PRRC2B: variants seen among roughly 807,000 people sequenced by gnomAD.
PRRC2B encodes the protein proline rich coiled-coil 2B.
Under a neutral mutation model 242.3 loss-of-function variants are expected in PRRC2B, and 68 were observed. The ratio of observed to expected loss-of-function variants is 0.28; its 90% CI spans 0.23 to 0.34. The LOEUF is 0.34. PRRC2B is among the 10% of genes least tolerant of loss of function. PRRC2B has a pLI of 1.00. For synonymous variants in PRRC2B, 1,228 were observed against 1,173.6 expected (o/e 1.05, Z -0.95); for missense variants, 2,835 against 2,954.8 (o/e 0.96, Z 0.94).
intron 11 of PRRC2B, among the ~76,000 whole-genome samples, chr9:131,459,970 C>CAAAAAAAAAAAAAAAAAAAAAAA: frequency 1.1e-5 from 1 of 87,098 alleles, no homozygotes; most frequent in Non-Finnish European, 2.2e-5. Flanking sequence ...ACCCTATCTC[C>CAAAAAAAAAAAAAAAAAAAAAAA]AAAAAAAAAA....
rs374251056 is a variant in PRRC2B at position 131,491,485 on chromosome 9, A to T, written c.6286A>T (p.Ile2096Phe). The change falls in exon 29 of 32, where the codon ATT (isoleucine) becomes TTT (phenylalanine). Residue 2096 changes from isoleucine to phenylalanine, a missense_variant. By Grantham distance (21) the Ile-to-Phe change is conservative. Transcript: ENST00000683519. The stretch of plus-strand genomic sequence containing the variant: ...GCAGCCACTGATCCTGCCCCAGTCT[A>T]TTCAGCTGCCACCTGGGCAGAGCCT... The part of the protein sequence containing the change: ...GQQPLILPQS[I>F]QLPPGQSLSV... 1 of 1,612,402 alleles carries T rather than the reference A, an allele frequency of 6.2e-7. No homozygotes were observed. The highest frequency in any genetic ancestry group is 8.5e-7 in the Non-Finnish European group (1 of 1,179,558).
Position 131,461,139 on chromosome 9 carries a change from T to C in PRRC2B, c.1404+1783T>C, listed in dbSNP as rs1036126720. Among the ~76,000 whole-genome samples, 6 of 152,226 alleles carry C rather than the reference T, an allele frequency of 3.9e-5. 1 individual carries two copies. Among genetic ancestry groups the C allele is most frequent in the African/African-American group, 1.4e-4 (6 of 41,460 alleles). On this transcript the variant is annotated intron_variant, in intron 11 of 31. Transcript: ENST00000683519. ...TCTATCTCTCATCGTCCCTCGTATT[T>C]ATACTCACTTGGTCAGTCTCCCCAT...
At chr9:131,423,086 T>C (rs1837885983) in intron 1 of PRRC2B, among the ~76,000 whole-genome samples, 1 of 152,224 alleles carries the variant, frequency 6.6e-6, no homozygotes. Context: ...TATGTCATAC[T>C]GAGGTTCCAA....
intron 1 of PRRC2B, among the ~76,000 whole-genome samples, chr9:131,381,180 A>G (rs1456563257): frequency 6.6e-6 from 1 of 152,062 alleles, no homozygotes; most frequent in African/African-American, 2.4e-5. Context: ...CTGGGTCTCC[A>G]TGTTGAGGAA....
chr9:131,427,779 A>G (rs1838014243), intron 1 of PRRC2B, among the ~76,000 whole-genome samples: 1 of 152,244 alleles, frequency 6.6e-6, no homozygotes, highest in Non-Finnish European at 1.5e-5. Context: ...AGTGCCTTTT[A>G]CCAGTCAGTG....
rs780356226 is a variant in PRRC2B at position 131,430,264 on chromosome 9, G to A, written c.115+5G>A. 2 of 1,554,758 alleles carry A rather than the reference G, an allele frequency of 1.3e-6. No individual in the cohort carries two copies. The highest frequency in any genetic ancestry group is 2.3e-5 in the South Asian group (2 of 85,472). On this transcript the variant is annotated splice_donor_5th_base_variant and intron_variant, in intron 2 of 31. Transcript: ENST00000683519. ...TAGACGCGATTAGATCCTCAGGTAAGGCCCAGGGTTGAAGGCCAGTTCCTC... is the reference window on the plus strand; with the variant it reads ...TAGACGCGATTAGATCCTCAGGTAAAGCCCAGGGTTGAAGGCCAGTTCCTC...
Position 131,485,158 on chromosome 9 carries a change from C to G in PRRC2B, c.5758+18C>G. ...TATGCCAGGTATCTCATCCCCTGAG[C>G]AAGGCCTTGGGGTCCTTCTCCATTT... is the stretch of plus-strand genomic sequence containing the variant. On this transcript the variant is annotated intron_variant, in intron 25 of 31. Coordinates refer to ENST00000683519, the MANE Select transcript of PRRC2B (RefSeq NM_013318.4). The G allele has an allele frequency of 6.4e-7, 1 of 1,550,576 alleles. No individual in the cohort carries two copies. The highest frequency in any genetic ancestry group is 8.8e-7 in the Non-Finnish European group (1 of 1,141,768).
rs1944071084 is a variant in PRRC2B at position 131,487,846 on chromosome 9, G to T, written c.5985-10G>T. The T allele has an allele frequency of 1.2e-5, 19 of 1,601,592 alleles. No individual in the cohort carries two copies. Among genetic ancestry groups the T allele is most frequent in the Non-Finnish European group, 1.6e-5 (19 of 1,169,936 alleles). On this transcript the variant is annotated splice_polypyrimidine_tract_variant and intron_variant, in intron 27 of 31. Transcript: ENST00000683519. This position sits in a 1 kb window ranked among gnomAD's most constrained non-coding sequence, Gnocchi z 5.3. ...CCACCTGATCCCGACCATCTGTCTGGCTTTTGCAGATCTCAGGTGTACATG... is the reference window on the plus strand; with the variant it reads ...CCACCTGATCCCGACCATCTGTCTGTCTTTTGCAGATCTCAGGTGTACATG...
At chr9:131,486,050 C>A in intron 25 of PRRC2B, 35 bp from the exon 26 acceptor site, 1 of 1,379,368 alleles carries the variant, frequency 7.2e-7, no homozygotes, top group Non-Finnish European at 1.0e-6. Context: ...GAGGCTTGAT[C>A]CTCTTCTACG....
intron 16 of PRRC2B, among the ~76,000 whole-genome samples, chr9:131,477,529 A>G (rs912321071): frequency 3.3e-5 from 5 of 152,172 alleles, no homozygotes; most frequent in Non-Finnish European, 5.9e-5. Context: ...CACTTTCCCC[A>G]GGAGCAGGCA....
rs201691910 is a variant in PRRC2B, at chr9:131,454,964, C to T, written c.1121-112C>T. On this transcript the variant is annotated intron_variant, in intron 9 of 31. Transcript: ENST00000683519. Reference sequence around the variant, plus strand: ...GTCTCAAACTCCTGTCCTCATGATCCGCCCACCTCAGCCTCGCAAAGTACT... The same window carrying T: ...GTCTCAAACTCCTGTCCTCATGATCTGCCCACCTCAGCCTCGCAAAGTACT... The T allele has an allele frequency of 1.8e-4, 135 of 752,362 alleles. No individual in the cohort carries two copies. The East Asian group carries it at 3.3e-3, about 18-fold the overall frequency. 46.6% of individuals were successfully genotyped at this position (752,362 alleles called of 1,614,324 possible). A position where few individuals can be genotyped will look rare whatever the true frequency, so the allele number is the denominator to read the frequency against.
Position 131,448,548 on chromosome 9 carries a change from A to AAAAAAAAAAAAAC in PRRC2B, c.1120+756_1120+757insCAAAAAAAAAAAA, listed in dbSNP as rs1564287279. Reference sequence around the variant, plus strand: ...GACAGAGGGAGACACTGTCTCAAAAAAAAAAAAAAAAAAAAAAAAAAAGGA... The same window carrying AAAAAAAAAAAAAC: ...GACAGAGGGAGACACTGTCTCAAAAAAAAAAAAAAAAACAAAAAAAAAAAAAAAAAAAAAAGGA... On this transcript the variant is annotated intron_variant, in intron 9 of 31. Coordinates refer to ENST00000683519, the MANE Select transcript of PRRC2B (RefSeq NM_013318.4). Among the ~76,000 whole-genome samples the AAAAAAAAAAAAAC allele has an allele frequency of 4.7e-4, 39 of 83,212 alleles. 4 individuals carry two copies. The highest frequency in any genetic ancestry group is 8.2e-4 in the African/African-American group (19 of 23,128). 54.6% of individuals were successfully genotyped at this position (83,212 alleles called of 152,430 possible). A position where few individuals can be genotyped will look rare whatever the true frequency, so the allele number is the denominator to read the frequency against.
intron 15 of PRRC2B, among the ~76,000 whole-genome samples, 166 bp from the exon 16 acceptor site, chr9:131,474,288 T>G (rs75614597): frequency 5.5e-4 from 83 of 151,564 alleles, no homozygotes; most frequent in African/African-American, 1.7e-3. Context: ...GATGCTTATG[T>G]TTTTTTTTGG....
intron 5 of PRRC2B, 34 bp downstream of exon 5, chr9:131,439,095 G>A (rs765282674): frequency 1.2e-5 from 19 of 1,585,766 alleles, no homozygotes; most frequent in Admixed American, 1.7e-5. Flanking sequence ...GTTTGGGGAC[G>A]CTGGGGAGAG....
intron 1 of PRRC2B, among the ~76,000 whole-genome samples, chr9:131,406,634 AACCTGTCTC>A (rs1365429940): frequency 1.3e-5 from 2 of 152,168 alleles, no homozygotes; most frequent in African/African-American, 4.8e-5. Context: ...ATGGATACGG[AACCTGTCTC>A]ACAGCATTGC....
chr9:131,413,095 T>G (rs1417524847), intron 1 of PRRC2B, among the ~76,000 whole-genome samples: 1 of 152,264 alleles, frequency 6.6e-6, no homozygotes, highest in African/African-American at 2.4e-5. Flanking sequence ...GTACTTTATA[T>G]TCTTAGCTCC....
intron 14 of PRRC2B, among the ~76,000 whole-genome samples, chr9:131,473,184 G>A (rs948720751): frequency 1.3e-5 from 2 of 152,006 alleles, no homozygotes; most frequent in African/African-American, 4.8e-5. Context: ...TTTAAACAAT[G>A]TCTCAGTTGT....
intron 26 of PRRC2B, 59 bp downstream of exon 26, chr9:131,486,241 C>A: frequency 1.8e-6 from 2 of 1,129,960 alleles, no homozygotes; most frequent in Non-Finnish European, 2.6e-6. Flanking sequence ...CAGTGCAGGG[C>A]GGAATTGGCT....
At chr9:131,393,911 CT>C (rs1248041956), upstream of PRRC2B, among the ~76,000 whole-genome samples, 67 of 151,406 alleles carry the variant, frequency 4.4e-4, no homozygotes, top group African/African-American at 1.4e-3. Context: ...CCCCTCCCCC[CT>C]GGCCCCAGCC....
Sources: gnomAD v4.1 joint callset for allele counts (sites outside exome capture counted in the v4.1 genomes callset) on GRCh38, gnomAD v4.1.1 for gene constraint, Gnocchi (gnomAD v3.1) non-coding constraint, MANE v1.5 for transcripts, NCBI Gene and HGNC (gene_info 2026-07-23, HGNC 2026-07-21) for gene names.